The following SLC5A8 variants were observed in gnomAD, a reference collection of about 807,000 sequenced individuals.
The protein encoded by SLC5A8 is sodium-coupled monocarboxylate transporter 1.
Under a neutral mutation model 71.9 loss-of-function variants are expected in SLC5A8, and 55 were observed. That is an observed-to-expected ratio of 0.77 (90% CI 0.62 to 0.96). The LOEUF (loss-of-function observed/expected upper bound fraction) is 0.96. Ranked by LOEUF, SLC5A8 falls within the 40% of genes least tolerant of loss-of-function variation. The probability of loss-of-function intolerance (pLI) is 0.00; values close to 1 mark genes in which losing one functional copy is unlikely to be tolerated. For synonymous variants in SLC5A8, 307 were observed against 276.1 expected, an observed-to-expected ratio of 1.11 and a Z score of -1.11; for missense variants, 701 against 745.3, an observed-to-expected ratio of 0.94 and a Z score of 0.69.
intron 10 of SLC5A8, among the ~76,000 whole-genome samples, chr12:101,175,223 G>A (rs940005656): frequency 2.6e-5 from 4 of 151,858 alleles, no homozygotes; most frequent in African/African-American, 4.8e-5. Flanking sequence ...GAAAAAGATC[G>A]GTGAACTGAA....
At chr12:101,188,055 T>C (rs1413112665) in intron 6 of SLC5A8, among the ~76,000 whole-genome samples, 2 of 152,174 alleles carry the variant, frequency 1.3e-5, no homozygotes, top group African/African-American at 4.8e-5. Context: ...ATACTGTGTG[T>C]GCTCCAGTAG....
At position 101,157,325 on chromosome 12, in the gene SLC5A8, T is replaced by C; in HGVS notation, c.1787A>G (p.Glu596Gly). Residue 596 changes from glutamate to glycine, a missense_variant, in exon 15 of 15, where the codon GAA becomes GGA. Transcript: ENST00000536262. ...GTDNPAFNHI[E>G]LNSDQSGKSN... is the part of the protein sequence containing the mutation. ...CTTGCCACTCTGATCTGAGTTCAAT[T>C]CAATGTGGTTGAAAGCAGGATTATC... 6.2e-7 allele frequency: 1 copy of C among 1,613,556 alleles called. No homozygotes were observed. The highest frequency in any genetic ancestry group is 8.5e-7 in the Non-Finnish European group (1 of 1,179,772).
intron 5 of SLC5A8, among the ~76,000 whole-genome samples, chr12:101,192,016 G>T (rs768960995): frequency 6.6e-6 from 1 of 152,194 alleles, no homozygotes; most frequent in Non-Finnish European, 1.5e-5. Flanking sequence ...CTACCAGGAA[G>T]AGATTTGGGA....
intron 3 of SLC5A8, among the ~76,000 whole-genome samples, chr12:101,201,601 G>A (rs1358928019): frequency 6.6e-6 from 1 of 152,174 alleles, no homozygotes; most frequent in Non-Finnish European, 1.5e-5. Flanking sequence ...CAAATCTAGA[G>A]AGTATGGGTA....
intron 12 of SLC5A8, among the ~76,000 whole-genome samples, chr12:101,163,522 T>C (rs1198161072): frequency 1.3e-5 from 2 of 152,068 alleles, no homozygotes; most frequent in Non-Finnish European, 2.9e-5. Flanking sequence ...CTACTAAAGA[T>C]ACAAAAATTG....
chr12:101,177,483 G>A (rs1052506000), intron 10 of SLC5A8, among the ~76,000 whole-genome samples: 6 of 139,442 alleles, frequency 4.3e-5, no homozygotes, highest in Non-Finnish European at 7.9e-5. Flanking sequence ...ACACACGCAT[G>A]CATGCACACA....
intron 9 of SLC5A8, among the ~76,000 whole-genome samples, chr12:101,182,419 G>C (rs545782383): frequency 6.6e-6 from 1 of 152,260 alleles, no homozygotes; most frequent in East Asian, 1.9e-4. Context: ...ACAAACTAGG[G>C]ATATTTCTTA....
chr12:101,184,691 T>C (rs1285487566), intron 7 of SLC5A8, among the ~76,000 whole-genome samples: 1 of 152,194 alleles, frequency 6.6e-6, no homozygotes, highest in African/African-American at 2.4e-5. Context: ...CTTTACTTGA[T>C]GACTCAAGGC....
intron 4 of SLC5A8, 88 bp downstream of exon 4, chr12:101,195,007 A>G: frequency 7.6e-7 from 1 of 1,313,304 alleles, no homozygotes; most frequent in Non-Finnish European, 1.1e-6. Flanking sequence ...AAGTGTGGAC[A>G]AACAAGATTG....
Position 101,180,089 on chromosome 12 carries a change from C to G in SLC5A8, c.1173G>C (p.Val391=). ...CCATTCCAATACACAGGGCTCCATA[C>G]ACCACACCTAAATGGACAACATAAA... ...LSWISQGMSV[V]YGALCIGMAA... The change falls in exon 10 of 15, where the codon GTG becomes GTC. Residue 391 remains valine, a synonymous_variant. Transcript: ENST00000536262. The G allele has an allele frequency of 3.1e-6, 5 of 1,614,092 alleles. No individual in the cohort carries two copies. Among genetic ancestry groups the G allele is most frequent in the Non-Finnish European group, 4.2e-6 (5 of 1,180,000 alleles).
rs933717426 is a variant in SLC5A8, at chr12:101,158,203, A to G, written c.1710+46T>C. 6 of 1,310,634 alleles carry G rather than the reference A, an allele frequency of 4.6e-6. No homozygotes were observed. The African/African-American group carries it at 9.0e-5, about 20-fold the overall frequency. The allele number at this position is 1,310,634 out of a possible 1,614,324, so 81.2% of individuals were successfully genotyped here. On this transcript the variant is annotated intron_variant, in intron 14 of 14. Transcript: ENST00000536262. ...GAACTAATTAGTGTTCTATCCAGGTAATAAAGCCCAGTTTCCTAACTCAAG... is the reference window on the plus strand; with the variant it reads ...GAACTAATTAGTGTTCTATCCAGGTGATAAAGCCCAGTTTCCTAACTCAAG...
intron 7 of SLC5A8, among the ~76,000 whole-genome samples, chr12:101,185,157 T>C (rs185126191): frequency 6.6e-6 from 1 of 152,340 alleles, no homozygotes; most frequent in Admixed American, 6.5e-5. Context: ...GTTTCAACAT[T>C]AGGATTGTTT....
chr12:101,158,580 CTCTCTCTCTCTCTCTCTCTATA>C (rs1395926342), intron 13 of SLC5A8, among the ~76,000 whole-genome samples: 104 of 59,462 alleles, frequency 1.7e-3, no homozygotes, highest in African/African-American at 6.2e-3. Context: ...CTCTCTCTCT[CTCTCTCTCTCTCTCTCTCTATA>C]TATATATATA....
At chr12:101,209,352 G>A (rs1047933966) in intron 1 of SLC5A8, 146 bp downstream of exon 1, 4 of 643,116 alleles carry the variant, frequency 6.2e-6, no homozygotes, top group Non-Finnish European at 1.1e-5. Flanking sequence ...GGGACGGGGA[G>A]GAGTGAAGGG....
At chr12:101,186,549 A>G (rs1044679591) in intron 7 of SLC5A8, among the ~76,000 whole-genome samples, 1 of 152,172 alleles carries the variant, frequency 6.6e-6, no homozygotes, top group Non-Finnish European at 1.5e-5. Flanking sequence ...TTTTTGAAAG[A>G]CAATAAATGG....
At chr12:101,188,157 C>G (rs1868738484) in intron 6 of SLC5A8, among the ~76,000 whole-genome samples, 1 of 152,208 alleles carries the variant, frequency 6.6e-6, no homozygotes, top group Non-Finnish European at 1.5e-5. Context: ...TTCAACCTCT[C>G]TGATCTTCAG....
chr12:101,178,626 C>T (rs528624289), intron 10 of SLC5A8, among the ~76,000 whole-genome samples: 192 of 152,182 alleles, frequency 1.3e-3, no homozygotes, highest in African/African-American at 4.3e-3. Context: ...AGAATGTCAA[C>T]CTAAGTCTCA....
At chr12:101,202,680 T>C (rs1340057664) in intron 2 of SLC5A8, among the ~76,000 whole-genome samples, 1 of 152,050 alleles carries the variant, frequency 6.6e-6, no homozygotes, top group Non-Finnish European at 1.5e-5. Context: ...TGTTCATAAA[T>C]TAAACAAAAG....
At chr12:101,169,311 G>A (rs146279896) in intron 10 of SLC5A8, among the ~76,000 whole-genome samples, 113 of 152,280 alleles carry the variant, frequency 7.4e-4, no homozygotes, top group African/African-American at 2.4e-3. Context: ...TGATGACTTT[G>A]CTAGAACATG....
Sources: allele counts gnomAD v4.1 joint callset (sites outside exome capture counted in the v4.1 genomes callset), GRCh38; gene constraint gnomAD v4.1.1; transcripts MANE v1.5; gene names NCBI Gene and HGNC (gene_info 2026-07-23, HGNC 2026-07-21).